WIPF3: variants seen among roughly 807,000 people sequenced by gnomAD.
The protein encoded by WIPF3 is WAS/WASL-interacting protein family member 3.
Under a neutral mutation model 38.9 loss-of-function variants are expected in WIPF3, and 33 were observed. The observed-to-expected ratio is 0.85, with a 90% CI of 0.64 to 1.14. The LOEUF (loss-of-function observed/expected upper bound fraction) is 1.14. Ranked by LOEUF, WIPF3 falls within the 50% of genes most tolerant of loss-of-function variation. The pLI is 0.00. For synonymous variants in WIPF3, 324 were observed against 269.3 expected (o/e 1.20, Z -1.99); for missense variants, 711 against 652.5 (o/e 1.09, Z -0.98).
chr7:29,875,782 C>T lies in WIPF3; in HGVS notation c.91-48C>T, dbSNP rs746144390. ...AACTGACAGCAGACAGGACATTTTG[C>T]TTATCTGAAAATGCTACTATAGTCA... On this transcript the variant is annotated intron_variant, in intron 2 of 8. Coordinates refer to ENST00000242140, the MANE Select transcript of WIPF3 (RefSeq NM_001080529.3). The T allele has an allele frequency of 1.9e-6, 3 of 1,592,970 alleles. No individual in the cohort carries two copies. The South Asian group carries it at 3.3e-5, about 18-fold the overall frequency.
intron 2 of WIPF3, among the ~76,000 whole-genome samples, chr7:29,868,348 G>A (rs1486429297): frequency 2.0e-5 from 3 of 152,102 alleles, no homozygotes; most frequent in Admixed American, 6.5e-5. Context: ...GGGACAGTAT[G>A]GCTGAATTCC....
Position 29,844,979 on chromosome 7 carries a change from A to G in WIPF3, c.90+10165A>G, listed in dbSNP as rs1784975512. Among the ~76,000 whole-genome samples, 1 of 151,484 alleles carries G rather than the reference A, an allele frequency of 6.6e-6. No homozygotes were observed. ...GGATTCGGCTCCCCATACCTTGGCC[A>G]GAGCTTCCACATTTCCTCCAAGCTG... On this transcript the variant is annotated intron_variant, in intron 2 of 8. Transcript: ENST00000242140. This position sits in a 1 kb window ranked among gnomAD's most constrained non-coding sequence, Gnocchi z 4.8.
intron 2 of WIPF3, among the ~76,000 whole-genome samples, chr7:29,858,932 T>C (rs560656916): frequency 9.2e-5 from 14 of 152,248 alleles, no homozygotes; most frequent in Non-Finnish European, 7.3e-5. Flanking sequence ...TTTATTTTAA[T>C]GAAGCTTTAA....
chr7:29,880,582 T>C (rs1785694891), intron 4 of WIPF3, among the ~76,000 whole-genome samples: 1 of 152,148 alleles, frequency 6.6e-6, no homozygotes, highest in Non-Finnish European at 1.5e-5. Flanking sequence ...TTTCTCTTCA[T>C]AGAAGATGGG....
rs914856526 is a variant in WIPF3 at position 29,836,554 on chromosome 7, A to G, written c.90+1740A>G. Among the ~76,000 whole-genome samples the G allele has an allele frequency of 4.6e-5, 7 of 152,240 alleles. No homozygotes were observed. In the South Asian group the frequency reaches 6.2e-4, roughly 13 times the overall value. On this transcript the variant is annotated intron_variant, in intron 2 of 8. Transcript: ENST00000242140. ...TAAGAATTTAACCCTAAAAATACCAAAAAGAATTTATGCAAGGATATGTCC... is the reference window on the plus strand; with the variant it reads ...TAAGAATTTAACCCTAAAAATACCAGAAAGAATTTATGCAAGGATATGTCC...
At chr7:29,897,759 T>C (rs888181070) in intron 7 of WIPF3, among the ~76,000 whole-genome samples, 2 of 152,206 alleles carry the variant, frequency 1.3e-5, no homozygotes, top group Non-Finnish European at 2.9e-5. Flanking sequence ...TATTTCCATC[T>C]TTGCGGAAGG....
intron 2 of WIPF3, among the ~76,000 whole-genome samples, chr7:29,848,870 G>T (rs1261378052): frequency 6.6e-6 from 1 of 152,018 alleles, no homozygotes; most frequent in Non-Finnish European, 1.5e-5. Context: ...AGGCTCAATT[G>T]TACTACTCAC....
chr7:29,913,572 G>A (rs573507326), intron 8 of WIPF3, among the ~76,000 whole-genome samples: 28 of 152,038 alleles, frequency 1.8e-4, no homozygotes, highest in Non-Finnish European at 2.8e-4. Flanking sequence ...CTTCATATTC[G>A]TATGGCTCTT....
In WIPF3 at chr7:29,885,062, C is replaced by T. The variant is rs974499775; in HGVS notation, c.1099+469C>T. Among the ~76,000 whole-genome samples, 5 of 152,322 alleles carry T rather than the reference C, an allele frequency of 3.3e-5. No homozygotes were observed. The South Asian group carries it at 1.0e-3, about 32-fold the overall frequency. On this transcript the variant is annotated intron_variant, in intron 5 of 8. Transcript: ENST00000242140. ...TCCTTTTATATTTGCCCGCGTTTTCCTATCTGGATCCCAGCCAGAATCTTC... is the reference window on the plus strand; with the variant it reads ...TCCTTTTATATTTGCCCGCGTTTTCTTATCTGGATCCCAGCCAGAATCTTC...
At chr7:29,901,124 TGAG>T (rs1455669762) in intron 7 of WIPF3, among the ~76,000 whole-genome samples, 1 of 152,142 alleles carries the variant, frequency 6.6e-6, no homozygotes. Flanking sequence ...TGCTTGAGAT[TGAG>T]GAGAGAGGTA....
intron 2 of WIPF3, among the ~76,000 whole-genome samples, chr7:29,838,929 A>T (rs1176153767): frequency 6.6e-6 from 1 of 152,250 alleles, no homozygotes; most frequent in Non-Finnish European, 1.5e-5. Flanking sequence ...AGGAATAGCC[A>T]CGTGACAAAA....
chr7:29,855,036 G>T (rs1409593325), intron 2 of WIPF3, among the ~76,000 whole-genome samples: 1 of 152,226 alleles, frequency 6.6e-6, no homozygotes, highest in Non-Finnish European at 1.5e-5. Context: ...ACAAACTAAT[G>T]CACAATGTCT....
At chr7:29,891,763 A>C (rs1398714695) in intron 7 of WIPF3, among the ~76,000 whole-genome samples, 1 of 152,212 alleles carries the variant, frequency 6.6e-6, no homozygotes, top group Non-Finnish European at 1.5e-5. Context: ...GATGAGAATT[A>C]GACCCCATAA....
intron 2 of WIPF3, among the ~76,000 whole-genome samples, chr7:29,839,056 A>C (rs1180453163): frequency 6.6e-6 from 1 of 152,186 alleles, no homozygotes; most frequent in Admixed American, 6.5e-5. Context: ...AGAAAGGGAT[A>C]ACCATAAAAT....
chr7:29,903,700 GAA>G (rs11358990), intron 7 of WIPF3, among the ~76,000 whole-genome samples: 71,873 of 150,632 alleles, frequency 0.48, 18,657 homozygotes, highest in East Asian at 0.78. Context: ...ATACCAAAAA[GAA>G]AAAAAAAAAT....
intron 7 of WIPF3, among the ~76,000 whole-genome samples, chr7:29,900,186 C>T (rs1414918796): frequency 2.6e-5 from 4 of 152,182 alleles, no homozygotes; most frequent in African/African-American, 9.7e-5. Flanking sequence ...ATCCGCCTGC[C>T]TCAGCCTCCC....
chr7:29,864,021 AT>A (rs1412348479), intron 2 of WIPF3, among the ~76,000 whole-genome samples: 1 of 152,024 alleles, frequency 6.6e-6, no homozygotes, highest in Non-Finnish European at 1.5e-5. Context: ...TATGCCATTT[AT>A]TTATTTGTCT....
At chr7:29,839,118 C>G (rs1357336878) in intron 2 of WIPF3, among the ~76,000 whole-genome samples, 1 of 152,092 alleles carries the variant, frequency 6.6e-6, no homozygotes, top group Non-Finnish European at 1.5e-5. Flanking sequence ...ATCAGAAAGG[C>G]CCTGGGTGCT....
intron 1 of WIPF3, among the ~76,000 whole-genome samples, chr7:29,822,136 T>TTTTTTTTTTTTG (rs1429994960): frequency 6.8e-6 from 1 of 147,242 alleles, no homozygotes; most frequent in Non-Finnish European, 1.5e-5. Flanking sequence ...TTTTTTTTTT[T>TTTTTTTTTTTTG]TTTTTTTTGG....
Sources: gnomAD v4.1 joint callset for allele counts (sites outside exome capture counted in the v4.1 genomes callset) on GRCh38, gnomAD v4.1.1 for gene constraint, Gnocchi (gnomAD v3.1) non-coding constraint, MANE v1.5 for transcripts, NCBI Gene and HGNC (gene_info 2026-07-23, HGNC 2026-07-21) for gene names.